Variants in RAB18 observed in about 807,000 individuals in gnomAD.
The protein encoded by RAB18 is RAB18, member RAS oncogene family.
RAB18 carries 10 observed loss-of-function variants against 28.5 expected under a neutral mutation model. That is an observed-to-expected ratio of 0.35 (90% confidence interval 0.22 to 0.60). The LOEUF (loss-of-function observed/expected upper bound fraction) is 0.60, where lower values mean the gene tolerates loss of function less well. RAB18 is among the 20% of genes least tolerant of loss of function. RAB18 has a pLI of 0.78. For synonymous variants in RAB18, 93 were observed against 86.9 expected (o/e 1.07, Z -0.39); for missense variants, 188 against 244.2 (o/e 0.77, Z 1.53).
intron 6 of RAB18, among the ~76,000 whole-genome samples, chr10:27,535,594 A>G (rs968817440): frequency 2.0e-5 from 3 of 152,220 alleles, no homozygotes; most frequent in Non-Finnish European, 4.4e-5. Flanking sequence ...TGATACTCTA[A>G]AAAGATCCTG....
chr10:27,532,401 G>A, intron 3 of RAB18, 106 bp from the exon 4 acceptor site: 1 of 785,428 alleles, frequency 1.3e-6, no homozygotes, highest in South Asian at 1.6e-5. Context: ...ATGAGCTCAT[G>A]CATTAATACT....
At chr10:27,531,746 A>G (rs1025742616) in intron 3 of RAB18, 1 of 540,328 alleles carries the variant, frequency 1.9e-6, no homozygotes, top group Non-Finnish European at 3.3e-6. Context: ...AAGAGAGAGA[A>G]GGAATTGGGC....
At position 27,540,168 on chromosome 10, in the gene RAB18, T is replaced by A. The variant is rs1834992899; in HGVS notation, c.*2117T>A. On this transcript the variant is annotated 3_prime_UTR_variant, in exon 7 of 7. Transcript: ENST00000356940. Reference sequence around the variant, plus strand: ...AACTATTCAATTTCTGAGTAATAGTTAATATTTATTGAAAGCTTCCTTGGT... The same window carrying A: ...AACTATTCAATTTCTGAGTAATAGTAAATATTTATTGAAAGCTTCCTTGGT... 4.4e-6 allele frequency: 2 copies of A among 453,974 alleles called. No homozygotes were observed. Among genetic ancestry groups the A allele is most frequent in the Non-Finnish European group, 8.8e-6 (2 of 226,774 alleles). The allele number at this position is 453,974 out of a possible 1,614,324, so 28.1% of individuals were successfully genotyped here.
chr10:27,519,427 G>A (rs1193708024), intron 2 of RAB18, among the ~76,000 whole-genome samples: 1 of 151,952 alleles, frequency 6.6e-6, no homozygotes, highest in African/African-American at 2.4e-5. Flanking sequence ...GAAATTTTTA[G>A]CCAGGGCAGT....
intron 2 of RAB18, among the ~76,000 whole-genome samples, chr10:27,513,401 A>G (rs1414460410): frequency 6.6e-6 from 1 of 152,094 alleles, no homozygotes; most frequent in African/African-American, 2.4e-5. Flanking sequence ...TTTTATGAAA[A>G]TTGGTATTTT....
intron 3 of RAB18, among the ~76,000 whole-genome samples, chr10:27,527,799 C>G (rs1834708710): frequency 6.6e-6 from 1 of 152,018 alleles, no homozygotes; most frequent in Non-Finnish European, 1.5e-5. Context: ...TGTATGATGT[C>G]ATATTTCTTG....
chr10:27,524,310 T>A (rs573466245), intron 2 of RAB18, among the ~76,000 whole-genome samples: 4 of 152,332 alleles, frequency 2.6e-5, no homozygotes, highest in African/African-American at 9.6e-5. Flanking sequence ...TGTACAGTTG[T>A]AACATCTGTG....
chr10:27,535,247 T>C lies in RAB18; in HGVS notation c.445+1253T>C, dbSNP rs191045589. Among the ~76,000 whole-genome samples the C allele has an allele frequency of 7.3e-4, 111 of 151,200 alleles. No homozygotes were observed. In the East Asian group the frequency reaches 0.02, roughly 27 times the overall value. On this transcript the variant is annotated intron_variant, in intron 6 of 6. Transcript: ENST00000356940. The stretch of plus-strand genomic sequence containing the variant: ...AAATTTGTAAACTTCCTTAAAACAT[T>C]ATGAGATTTTGTGCTTTTTTTTAAG...
At position 27,519,110 on chromosome 10, in the gene RAB18, G is replaced by A. The variant is rs1340536925; in HGVS notation, c.125-7718G>A. ...ACACATAATAAACCAACAAAACGAAGTGGGGTTTATCCCACATAGGAAAAG... is the reference window on the plus strand; with the variant it reads ...ACACATAATAAACCAACAAAACGAAATGGGGTTTATCCCACATAGGAAAAG... On this transcript the variant is annotated intron_variant, in intron 2 of 6. Transcript: ENST00000356940. 4.0e-5 allele frequency among the ~76,000 whole-genome samples: 6 copies of A among 151,598 alleles called. No homozygotes were observed. The East Asian group carries it at 1.2e-3, about 29-fold the overall frequency.
intron 1 of RAB18, among the ~76,000 whole-genome samples, chr10:27,508,018 TAA>T (rs1013067334): frequency 1.4e-4 from 19 of 135,792 alleles, no homozygotes; most frequent in African/African-American, 1.9e-4. Flanking sequence ...CCCTCTCTCT[TAA>T]AAAAAAAAAA....
In RAB18 at chr10:27,532,573, A is replaced by G. The variant is rs149119294; in HGVS notation, c.253A>G (p.Ile85Val). ...PSYYRGAQGV[I>V]LVYDVTRRDT... The stretch of plus-strand genomic sequence containing the variant: ...CTATTATAGAGGTGCACAGGGTGTT[A>G]TATTAGGTAAGTGTTTACTTTAATG... Residue 85 changes from isoleucine to valine, a missense_variant, in exon 4 of 7, where the codon ATA becomes GTA. Transcript: ENST00000356940. The G allele has an allele frequency of 3.8e-6, 6 of 1,592,284 alleles. No individual in the cohort carries two copies. The East Asian group carries it at 1.3e-4, about 36-fold the overall frequency.
At chr10:27,505,090 T>G (rs370613740) in intron 1 of RAB18, 2 of 532,722 alleles carry the variant, frequency 3.8e-6, no homozygotes, top group Non-Finnish European at 7.7e-6. Flanking sequence ...TTGTTATTTC[T>G]CATTTTGCCA....
At chr10:27,512,619 A>G (rs935863987) in intron 2 of RAB18, among the ~76,000 whole-genome samples, 1 of 151,942 alleles carries the variant, frequency 6.6e-6, no homozygotes, top group Non-Finnish European at 1.5e-5. Flanking sequence ...TGTATTATTT[A>G]CTCCTATAAA....
Position 27,539,733 on chromosome 10 carries a change from A to G in RAB18, c.*1682A>G. The G allele has an allele frequency of 2.2e-6, 1 of 451,802 alleles. No homozygotes were observed. Among genetic ancestry groups the G allele is most frequent in the Non-Finnish European group, 4.4e-6 (1 of 226,124 alleles). The allele number at this position is 451,802 out of a possible 1,614,324, so 28.0% of individuals were successfully genotyped here. A position where few individuals can be genotyped will look rare whatever the true frequency, so the allele number is the denominator to read the frequency against. On this transcript the variant is annotated 3_prime_UTR_variant, in exon 7 of 7. Transcript: ENST00000356940. ...TGATTTGGTCTAAATTTGAATATAT[A>G]TGAGTTACTTGAATATAACAAAAAT...
intron 2 of RAB18, 144 bp from the exon 3 acceptor site, chr10:27,526,684 T>A: frequency 1.0e-6 from 1 of 955,976 alleles, no homozygotes; most frequent in South Asian, 1.5e-5. Context: ...TGACACTTTT[T>A]ATCTCCACAT....
At chr10:27,533,256 C>A (rs562465153) in intron 4 of RAB18, among the ~76,000 whole-genome samples, 267 of 151,992 alleles carry the variant, frequency 1.8e-3, no homozygotes, top group Non-Finnish European at 2.4e-3. Context: ...AACAGGAAGA[C>A]CACCAGGAAC....
chr10:27,532,982 C>G (rs189614864), intron 4 of RAB18, among the ~76,000 whole-genome samples: 80 of 152,114 alleles, frequency 5.3e-4, no homozygotes, highest in Admixed American at 3.8e-3. Flanking sequence ...TCACAAAGCA[C>G]TTAACACTAT....
chr10:27,531,342 C>G (rs952025673), intron 3 of RAB18, among the ~76,000 whole-genome samples: 19 of 152,036 alleles, frequency 1.2e-4, no homozygotes, highest in African/African-American at 3.6e-4. Flanking sequence ...TCCCTACTGT[C>G]TTGCTGAAGC....
chr10:27,513,468 G>A (rs1472288042), intron 2 of RAB18, among the ~76,000 whole-genome samples: 1 of 152,152 alleles, frequency 6.6e-6, no homozygotes, highest in African/African-American at 2.4e-5. Flanking sequence ...GTAACTTAGT[G>A]AGACACTTAA....
Sources: allele counts gnomAD v4.1 joint callset (sites outside exome capture counted in the v4.1 genomes callset), GRCh38; gene constraint gnomAD v4.1.1; transcripts MANE v1.5; gene names NCBI Gene and HGNC (gene_info 2026-07-23, HGNC 2026-07-21).